LRRC37A2: variants seen among roughly 807,000 people sequenced by gnomAD.
LRRC37A2 encodes the protein leucine-rich repeat-containing protein 37A2.
Under a neutral mutation model 68.8 loss-of-function variants are expected in LRRC37A2, and 9 were observed. That is an observed-to-expected ratio of 0.13 (90% CI 0.08 to 0.23). LRRC37A2 has a LOEUF of 0.23. LRRC37A2 is among the 10% of genes least tolerant of loss of function. The probability of loss-of-function intolerance (pLI) is 1.00; values close to 1 mark genes in which losing one functional copy is unlikely to be tolerated. For missense variants in LRRC37A2, 168 were observed against 950.4 expected, an observed-to-expected ratio of 0.18 and a Z score of 10.82; for synonymous variants, 63 against 367.6, an observed-to-expected ratio of 0.17 and a Z score of 9.48.
At chr17:46,982,458 T>TA in the LRRC37A2 span, among the ~76,000 whole-genome samples, 1 of 152,012 alleles carries the variant, frequency 6.6e-6, no homozygotes, top group Non-Finnish European at 1.5e-5. Context: ...AAGCATCTAT[T>TA]ACATGCCCAG....
At chr17:46,947,438 G>A in the LRRC37A2 span, among the ~76,000 whole-genome samples, 1 of 152,216 alleles carries the variant, frequency 6.6e-6, no homozygotes, top group Non-Finnish European at 1.5e-5. Flanking sequence ...CACCTTCAGA[G>A]CTCCCTACAA....
chr17:46,991,727 A>G, the LRRC37A2 span, among the ~76,000 whole-genome samples: 1 of 152,256 alleles, frequency 6.6e-6, no homozygotes, highest in Non-Finnish European at 1.5e-5. Context: ...TGTACTACAC[A>G]ATGTTTATAC....
At chr17:46,965,338 G>A in the LRRC37A2 span, among the ~76,000 whole-genome samples, 1 of 152,252 alleles carries the variant, frequency 6.6e-6, no homozygotes, top group Non-Finnish European at 1.5e-5. Context: ...CAAAGCCTGA[G>A]TGTTGCCTGT....
At chr17:46,918,989 G>T in the LRRC37A2 span, among the ~76,000 whole-genome samples, 49 of 152,164 alleles carry the variant, frequency 3.2e-4, no homozygotes, top group Admixed American at 2.0e-4. Context: ...TGGGCTAAGT[G>T]TTCCCTCCTT....
chr17:46,923,031 T>C, the LRRC37A2 span: 5 of 658,064 alleles, frequency 7.6e-6, no homozygotes, highest in Non-Finnish European at 1.4e-5. Context: ...TCCTTCCCCT[T>C]CTCCGATCTC....
At chr17:46,533,406 T>C (rs2054013647) in intron 6 of LRRC37A2, among the ~76,000 whole-genome samples, 1 of 121,516 alleles carries the variant, frequency 8.2e-6, no homozygotes, top group Non-Finnish European at 1.6e-5. Flanking sequence ...CACCCCCTCC[T>C]TTATACTGTT....
At chr17:46,479,516 T>C in the LRRC37A2 span, among the ~76,000 whole-genome samples, 1 of 108,978 alleles carries the variant, frequency 9.2e-6, no homozygotes, top group Non-Finnish European at 2.1e-5. Flanking sequence ...TATTTTTCTT[T>C]TTTTTTTTTG....
chr17:46,679,692 C>CA, the LRRC37A2 span, among the ~76,000 whole-genome samples: 19,925 of 101,274 alleles, frequency 0.2, 1,761 homozygotes, highest in Non-Finnish European at 0.27. Flanking sequence ...AACTCCATGT[C>CA]AAAAAAAAAA....
the LRRC37A2 span, among the ~76,000 whole-genome samples, chr17:46,847,421 A>T: frequency 6.6e-6 from 1 of 152,262 alleles, no homozygotes; most frequent in Non-Finnish European, 1.5e-5. Context: ...AGTGCTCCAG[A>T]GTCAATGCTA....
the LRRC37A2 span, chr17:46,769,763 G>A: frequency 3.9e-5 from 63 of 1,607,694 alleles, 1 homozygote; most frequent in South Asian, 6.0e-4. Flanking sequence ...GAAGGGTTTG[G>A]GGAGGGTAGC....
At chr17:46,775,360 G>A in the LRRC37A2 span, among the ~76,000 whole-genome samples, 1 of 152,144 alleles carries the variant, frequency 6.6e-6, no homozygotes, top group South Asian at 2.1e-4. Flanking sequence ...GTTGGCCTTG[G>A]CCAATTCGTG....
intron 8 of LRRC37A2, among the ~76,000 whole-genome samples, chr17:46,544,988 G>A (rs1202659810): frequency 7.1e-6 from 1 of 140,338 alleles, no homozygotes; most frequent in Non-Finnish European, 1.5e-5. Flanking sequence ...CCACAATCCA[G>A]ATTTGTCTGT....
the LRRC37A2 span, chr17:46,923,975 G>C: frequency 2.5e-6 from 1 of 397,470 alleles, no homozygotes; most frequent in Non-Finnish European, 4.4e-6. Context: ...ATTTTTTATT[G>C]TAAAATATAC....
the LRRC37A2 span, among the ~76,000 whole-genome samples, chr17:46,947,844 C>A: frequency 6.6e-6 from 1 of 152,238 alleles, no homozygotes; most frequent in African/African-American, 2.4e-5. Flanking sequence ...TCTCGGCTCA[C>A]CGTAACCTCC....
chr17:46,998,817 C>G, the LRRC37A2 span: 15,192 of 152,292 alleles, frequency 0.1, 850 homozygotes, highest in South Asian at 0.22. Context: ...GTGACAGACC[C>G]CTGTGAGTGC....
At chr17:46,779,053 TCACACACACACA>T in the LRRC37A2 span, among the ~76,000 whole-genome samples, 24,465 of 100,662 alleles carry the variant, frequency 0.24, 3,019 homozygotes, top group East Asian at 0.37. Flanking sequence ...CCCTACCCCA[TCACACACACACA>T]CACACACACA....
the LRRC37A2 span, among the ~76,000 whole-genome samples, chr17:46,895,910 G>A: frequency 6.6e-6 from 1 of 152,134 alleles, no homozygotes; most frequent in East Asian, 1.9e-4. Context: ...CTTGAGGGGT[G>A]GGAGCCTGGT....
the LRRC37A2 span, among the ~76,000 whole-genome samples, chr17:46,996,996 G>C: frequency 6.6e-6 from 1 of 152,292 alleles, no homozygotes; most frequent in African/African-American, 2.4e-5. Context: ...TTAACGAGGA[G>C]GAGTTTCTCT....
At chr17:46,501,033 A>T in the LRRC37A2 span, among the ~76,000 whole-genome samples, 3 of 151,282 alleles carry the variant, frequency 2.0e-5, 1 homozygote, top group East Asian at 5.8e-4. Context: ...TACAAAAAAA[A>T]TTAGCTGGGC....
Sources: gnomAD v4.1 joint callset for allele counts (sites outside exome capture counted in the v4.1 genomes callset) on GRCh38, gnomAD v4.1.1 for gene constraint, MANE v1.5 for transcripts, NCBI Gene and HGNC (gene_info 2026-07-23, HGNC 2026-07-21) for gene names.